ELAVL4: variants seen among roughly 807,000 people sequenced by gnomAD.
ELAVL4 encodes ELAV like RNA binding protein 4.
Under a neutral mutation model 35.6 loss-of-function variants are expected in ELAVL4, and 1 was observed. The observed-to-expected ratio is 0.03, with a 90% confidence interval of 0.01 to 0.13. The LOEUF is 0.13. ELAVL4 is among the 10% of genes least tolerant of loss of function. ELAVL4 has a pLI of 1.00. For missense variants in ELAVL4, 267 were observed against 464.9 expected (o/e 0.57, Z 3.91); for synonymous variants, 156 against 171.0 (o/e 0.91, Z 0.69).
chr1:50,152,568 A>G (rs1162741462), intron 2 of ELAVL4, among the ~76,000 whole-genome samples: 1 of 152,222 alleles, frequency 6.6e-6, no homozygotes. Flanking sequence ...GCTTCAGGGT[A>G]GGAGGAAAGT....
intron 1 of ELAVL4, among the ~76,000 whole-genome samples, chr1:50,125,249 A>T (rs1025525428): frequency 2.6e-4 from 39 of 152,092 alleles, no homozygotes; most frequent in Non-Finnish European, 3.5e-4. Flanking sequence ...TTTAAAAAAA[A>T]AAAATAAAAG....
chr1:50,129,865 C>T (rs888560728), intron 1 of ELAVL4, among the ~76,000 whole-genome samples: 9 of 152,168 alleles, frequency 5.9e-5, no homozygotes, highest in African/African-American at 1.9e-4. Flanking sequence ...GGAAAATGAA[C>T]ATGTACTGAG....
intron 2 of ELAVL4, among the ~76,000 whole-genome samples, chr1:50,156,559 T>C (rs1429738089): frequency 2.6e-5 from 4 of 152,156 alleles, no homozygotes; most frequent in African/African-American, 4.8e-5. Flanking sequence ...GGCAGGAGAA[T>C]AGAATGGAAA....
chr1:50,113,279 C>T (rs1223913639), intron 1 of ELAVL4, among the ~76,000 whole-genome samples: 1 of 150,154 alleles, frequency 6.7e-6, no homozygotes, highest in Non-Finnish European at 1.5e-5. Flanking sequence ...TAGGTGGGTT[C>T]TTTTCCTATA....
At chr1:50,157,050 C>A (rs1301444541) in intron 2 of ELAVL4, among the ~76,000 whole-genome samples, 1 of 152,060 alleles carries the variant, frequency 6.6e-6, no homozygotes, top group Non-Finnish European at 1.5e-5. Flanking sequence ...TCTGATAAAC[C>A]CATTGTAAAG....
chr1:50,106,357 A>G (rs754884963), upstream of ELAVL4: 1 of 1,613,686 alleles, frequency 6.2e-7, no homozygotes. Context: ...TTTTAAGGGA[A>G]ATTGTCATTA....
chr1:50,092,385 T>C (rs1405740456), intron 1 of ELAVL4, among the ~76,000 whole-genome samples: 1 of 152,230 alleles, frequency 6.6e-6, no homozygotes, highest in Non-Finnish European at 1.5e-5. Context: ...ATGTGGCCTA[T>C]GCAGGGATGT....
At chr1:50,135,259 A>C (rs1332653377) in intron 1 of ELAVL4, among the ~76,000 whole-genome samples, 4 of 152,116 alleles carry the variant, frequency 2.6e-5, no homozygotes, top group Admixed American at 2.6e-4. Flanking sequence ...ATAAAGCGCT[A>C]TATTCTCATT....
chr1:50,152,375 C>T (rs1674947367), intron 2 of ELAVL4, among the ~76,000 whole-genome samples: 1 of 151,842 alleles, frequency 6.6e-6, no homozygotes, highest in African/African-American at 2.4e-5. Flanking sequence ...TTCGTAAGAC[C>T]AATTCCCTGT....
intron 1 of ELAVL4, among the ~76,000 whole-genome samples, chr1:50,080,702 A>G (rs944905214): frequency 2.0e-5 from 3 of 152,050 alleles, no homozygotes; most frequent in African/African-American, 7.2e-5. Context: ...AAGCTTTCTC[A>G]TTGCTTATGC....
At chr1:50,099,065 T>C (rs887285234), upstream of ELAVL4, among the ~76,000 whole-genome samples, 3 of 152,240 alleles carry the variant, frequency 2.0e-5, no homozygotes, top group African/African-American at 7.2e-5. Context: ...GAAAGTTATG[T>C]ATTAGTGAAT....
chr1:50,150,606 T>A lies in ELAVL4; in HGVS notation c.250+5409T>A, dbSNP rs1468410834. On this transcript the variant is annotated intron_variant, in intron 2 of 6. Coordinates refer to ENST00000371824, the MANE Select transcript of ELAVL4 (RefSeq NM_001144774.3). ...TGAGTCATGACAGAGTACAGTCTAT[T>A]GGGTTGAAGAGGAGAGGGGAGTGAG... Among the ~76,000 whole-genome samples, 6 of 152,218 alleles carry A rather than the reference T, an allele frequency of 3.9e-5. No homozygotes were observed. The East Asian group carries it at 1.2e-3, about 29-fold the overall frequency.
upstream of ELAVL4, among the ~76,000 whole-genome samples, chr1:50,107,478 A>G (rs188495633): frequency 8.5e-5 from 13 of 152,332 alleles, no homozygotes; most frequent in East Asian, 2.3e-3. Flanking sequence ...TTCATGAAAC[A>G]GCATCTTGGA....
intron 1 of ELAVL4, among the ~76,000 whole-genome samples, chr1:50,126,023 G>A (rs998655494): frequency 6.6e-6 from 1 of 152,002 alleles, no homozygotes; most frequent in African/African-American, 2.4e-5. Flanking sequence ...CCTGAATCGG[G>A]GCCCGGCACC....
chr1:50,173,529 A>G (rs935784681), intron 2 of ELAVL4, among the ~76,000 whole-genome samples: 5 of 152,198 alleles, frequency 3.3e-5, no homozygotes, highest in African/African-American at 1.2e-4. Flanking sequence ...TGCCTGCTGG[A>G]CAGGATTATT....
In ELAVL4 at chr1:50,121,595, A is replaced by G. The variant is rs192443590; in HGVS notation, c.9+12397A>G. Among the ~76,000 whole-genome samples the G allele has an allele frequency of 3.6e-3, 555 of 152,118 alleles. 1 individual carries two copies. Among genetic ancestry groups the G allele is most frequent in the Middle Eastern group, 0.01 (3 of 294 alleles). ...CTTTTTTATTTTACTTTGTTGGGTC[A>G]TGGTCAGAAAAGTTTGAGAAATACT... On this transcript the variant is annotated intron_variant, in intron 1 of 6. Transcript: ENST00000371824.
At chr1:50,177,822 G>A (rs1350183835) in intron 3 of ELAVL4, among the ~76,000 whole-genome samples, 1 of 152,280 alleles carries the variant, frequency 6.6e-6, no homozygotes, top group East Asian at 1.9e-4. Flanking sequence ...GTATGGGAAT[G>A]ACAGAAAAAG....
intron 1 of ELAVL4, among the ~76,000 whole-genome samples, chr1:50,071,332 G>A (rs1254627478): frequency 6.6e-6 from 1 of 152,104 alleles, no homozygotes; most frequent in Admixed American, 6.5e-5. Flanking sequence ...TCCTCATTAC[G>A]CCATGGACAT....
At chr1:50,161,966 T>C (rs965431848) in intron 2 of ELAVL4, among the ~76,000 whole-genome samples, 6 of 152,222 alleles carry the variant, frequency 3.9e-5, no homozygotes, top group Non-Finnish European at 7.3e-5. Flanking sequence ...TGAATGTATA[T>C]AGTCTGTGCA....
Sources: gnomAD v4.1 joint callset for allele counts (sites outside exome capture counted in the v4.1 genomes callset) on GRCh38, gnomAD v4.1.1 for gene constraint, MANE v1.5 for transcripts, NCBI Gene and HGNC (gene_info 2026-07-23, HGNC 2026-07-21) for gene names.